The following LMLN variants were observed in gnomAD, a reference collection of about 807,000 sequenced individuals.
LMLN encodes the protein leishmanolysin-like peptidase.
A neutral mutation model predicts 92.3 loss-of-function variants in LMLN; 70 were observed. The observed-to-expected ratio is 0.76, with a 90% confidence interval of 0.63 to 0.92. The LOEUF (loss-of-function observed/expected upper bound fraction) is 0.92. Ranked by LOEUF, LMLN falls within the 40% of genes least tolerant of loss-of-function variation. LMLN has a pLI of 0.00. For synonymous variants in LMLN, 308 were observed against 296.2 expected (o/e 1.04, Z -0.41); for missense variants, 691 against 814.6 (o/e 0.85, Z 1.85).
intron 3 of LMLN, among the ~76,000 whole-genome samples, chr3:197,975,513 ACACACATG>A (rs989569837): frequency 1.3e-5 from 2 of 151,994 alleles, no homozygotes; most frequent in African/African-American, 4.8e-5. Flanking sequence ...ACGTGCACGC[ACACACATG>A]CGCACATGCA....
At chr3:197,978,861 G>A (rs1313824897) in intron 5 of LMLN, among the ~76,000 whole-genome samples, 1 of 151,990 alleles carries the variant, frequency 6.6e-6, no homozygotes, top group African/African-American at 2.4e-5. Context: ...CATGGTGGTG[G>A]GTGCCTGTAG....
At chr3:198,012,508 T>G (rs998125189) in intron 11 of LMLN, among the ~76,000 whole-genome samples, 1 of 151,536 alleles carries the variant, frequency 6.6e-6, no homozygotes, top group African/African-American at 2.4e-5. Flanking sequence ...CTTTGAGTCC[T>G]GAAGTCCCTA....
chr3:198,022,689 T>C (rs1381899036), intron 13 of LMLN, among the ~76,000 whole-genome samples: 2 of 152,138 alleles, frequency 1.3e-5, no homozygotes, highest in African/African-American at 4.8e-5. Flanking sequence ...ACCCTGTCTG[T>C]ATCAAAAATC....
At chr3:198,038,701 A>T (rs770592771) in exon 16 of LMLN, 1 of 1,486,406 alleles carries the variant, frequency 6.7e-7, no homozygotes, top group Admixed American at 1.7e-5. Flanking sequence ...ATATTCTTTT[A>T]TGTTATGTTC....
chr3:198,005,818 G>A (rs1246989720), intron 11 of LMLN, among the ~76,000 whole-genome samples: 11 of 152,032 alleles, frequency 7.2e-5, no homozygotes, highest in Admixed American at 7.2e-4. Flanking sequence ...AATTTTAATA[G>A]AGATGGGATT....
chr3:197,994,676 T>G (rs1321134209), intron 9 of LMLN: 1 of 152,058 alleles, frequency 6.6e-6, no homozygotes, highest in East Asian at 1.9e-4. Flanking sequence ...AGTGCAAGGA[T>G]GACATGCAAA....
exon 16 of LMLN, chr3:198,039,063 C>T (rs1723324670): frequency 5.3e-6 from 1 of 189,858 alleles, no homozygotes; most frequent in African/African-American, 2.3e-5. Context: ...AACCCAACCA[C>T]TTTCATCAGC....
chr3:198,002,912 C>A, intron 11 of LMLN, 103 bp from the exon 12 acceptor site: 2 of 648,442 alleles, frequency 3.1e-6, no homozygotes, highest in South Asian at 4.1e-5. Flanking sequence ...CAAAATCTTT[C>A]TTAAGGTCCT....
chr3:197,989,160 C>T (rs918583551), intron 8 of LMLN, among the ~76,000 whole-genome samples: 7 of 152,156 alleles, frequency 4.6e-5, no homozygotes, highest in African/African-American at 7.2e-5. Flanking sequence ...TGTGGGCTGT[C>T]GGTTTTCAAG....
chr3:197,970,879 A>G (rs112419372), intron 1 of LMLN, among the ~76,000 whole-genome samples: 9,825 of 152,268 alleles, frequency 0.065, 378 homozygotes, highest in African/African-American at 0.1. Context: ...TTCTTCCTAC[A>G]GAAACAGGTT....
intron 5 of LMLN, among the ~76,000 whole-genome samples, chr3:197,977,452 A>C (rs1205991201): frequency 6.6e-6 from 1 of 152,070 alleles, no homozygotes; most frequent in African/African-American, 2.4e-5. Context: ...AAAAATTATC[A>C]AACAATCTGG....
chr3:198,024,568 C>A, intron 13 of LMLN, 90 bp from the exon 15 acceptor site: 2 of 1,190,528 alleles, frequency 1.7e-6, no homozygotes, highest in Non-Finnish European at 2.3e-6. Context: ...ATTTTTAAAG[C>A]AACTTTTAAT....
intron 11 of LMLN, among the ~76,000 whole-genome samples, chr3:198,010,278 C>A (rs1722397732): frequency 6.6e-6 from 1 of 152,072 alleles, no homozygotes; most frequent in African/African-American, 2.4e-5. Context: ...CTCAGCCTCC[C>A]AAGTAGCTGG....
At chr3:197,964,076 A>G (rs1211581394) in intron 1 of LMLN, among the ~76,000 whole-genome samples, 1 of 152,202 alleles carries the variant, frequency 6.6e-6, no homozygotes, top group Non-Finnish European at 1.5e-5. Flanking sequence ...GTGGTAGATT[A>G]CATTGCATTT....
Position 198,038,638 on chromosome 3 carries a change from G to A in LMLN, c.1939G>A (p.Ala647Thr), listed in dbSNP as rs746810166. 2.5e-6 allele frequency: 4 copies of A among 1,613,600 alleles called. 1 individual carries two copies. Among genetic ancestry groups the A allele is most frequent in the Non-Finnish European group, 3.4e-6 (4 of 1,179,636 alleles). The change falls in exon 16 of 16, where the codon GCT (alanine) becomes ACT (threonine). Residue 647 changes from alanine to threonine, a missense_variant. Ala to Thr is a moderately conservative substitution (Grantham distance 58, BLOSUM62 0). This residue lies in a region of LMLN where 352 missense variants were observed against 443.6 expected (regional missense o/e 0.79). Transcript: ENST00000330198. Reference sequence around the variant, plus strand: ...GCTAGGCAATCTGTTTCCTCTGCTGGCTGGATTTCTTCTGTGTATATGGCA... The same window carrying A: ...GCTAGGCAATCTGTTTCCTCTGCTGACTGGATTTCTTCTGTGTATATGGCA...
At position 198,025,819 on chromosome 3, in the gene LMLN, C is replaced by T. The variant is rs1041187398; in HGVS notation, c.1656+1031C>T. Among the ~76,000 whole-genome samples, 9 of 152,206 alleles carry T rather than the reference C, an allele frequency of 5.9e-5. No homozygotes were observed. Among genetic ancestry groups the T allele is most frequent in the East Asian group, 1.9e-4 (1 of 5,198 alleles). On this transcript the variant is annotated intron_variant, in intron 14 of 15. Coordinates refer to ENST00000330198, the Ensembl canonical transcript of LMLN. This position sits in a 1 kb window ranked among gnomAD's most constrained non-coding sequence, Gnocchi z 4.3. ...TACAAATGGATGTCAGGGAGGACAG[C>T]GTAAGCCTGAGAAATGCAGAATCAG...
At chr3:198,024,942 G>A (rs140139009) in intron 14 of LMLN, among the ~76,000 whole-genome samples, 154 bp downstream of exon 15, 1,836 of 152,152 alleles carry the variant, frequency 0.012, 15 homozygotes, top group Non-Finnish European at 0.017. Flanking sequence ...GGATGCTTAT[G>A]TTTTATGAAA....
chr3:198,041,773 G>T (rs537008743), exon 16 of LMLN: 1 of 152,114 alleles, frequency 6.6e-6, no homozygotes, highest in Non-Finnish European at 1.5e-5. Flanking sequence ...GCTGAATGAA[G>T]AATTTTACCA....
intron 8 of LMLN, among the ~76,000 whole-genome samples, chr3:197,990,038 C>CTTATT (rs201995486): frequency 0.011 from 1,723 of 151,698 alleles, 17 homozygotes; most frequent in African/African-American, 0.029. Flanking sequence ...CCATGCCTGG[C>CTTATT]TTATTTTATT....
Sources: allele counts gnomAD v4.1 joint callset (sites outside exome capture counted in the v4.1 genomes callset), GRCh38; gene constraint gnomAD v4.1.1; regional missense constraint gnomAD v4.1.1; non-coding constraint Gnocchi (gnomAD v3.1); transcripts MANE v1.5; gene names NCBI Gene and HGNC (gene_info 2026-07-23, HGNC 2026-07-21).